CLOCK: variants seen among roughly 807,000 people sequenced by gnomAD.
The protein encoded by CLOCK is clock circadian regulator.
Under a neutral mutation model 118.4 loss-of-function variants are expected in CLOCK, and 43 were observed. The ratio of observed to expected loss-of-function variants is 0.36; its 90% CI spans 0.28 to 0.47. CLOCK has a LOEUF of 0.47. Ranked by LOEUF, CLOCK falls within the 20% of genes least tolerant of loss-of-function variation. CLOCK has a pLI of 1.00. For synonymous variants in CLOCK, 326 were observed against 339.2 expected (o/e 0.96, Z 0.43); for missense variants, 846 against 999.9 (o/e 0.85, Z 2.08).
At position 55,443,851 on chromosome 4, in the gene CLOCK, G is replaced by T. The variant is rs2109693639; in HGVS notation, c.1738C>A (p.Gln580Lys). The stretch of plus-strand genomic sequence containing the variant: ...TTAGATGAATTTCCAGAAGAAAGTT[G>T]AACGGAACCAAAATTCAACCCAGGA... Reference protein sequence around the residue: ...SNPGLNFGSVQLSSGNSSNIQ... With the variant: ...SNPGLNFGSVKLSSGNSSNIQ... Residue 580 changes from glutamine to lysine, a missense_variant, in exon 20 of 23, where the codon CAA becomes AAA. Gln to Lys is a moderately conservative substitution (Grantham distance 53). This residue lies in a region of CLOCK where 520 missense variants were observed against 558.0 expected (regional missense o/e 0.93). Coordinates refer to ENST00000513440, the MANE Select transcript of CLOCK (RefSeq NM_004898.4). 3 of 1,613,532 alleles carry T rather than the reference G, an allele frequency of 1.9e-6. No individual in the cohort carries two copies. Among genetic ancestry groups the T allele is most frequent in the Non-Finnish European group, 1.7e-6 (2 of 1,179,978 alleles).
rs1043896194 is a variant in CLOCK, at chr4:55,438,486, A to G, written c.2157T>C (p.Ala719=). 5 of 1,613,854 alleles carry G rather than the reference A, an allele frequency of 3.1e-6. No homozygotes were observed. Among genetic ancestry groups the G allele is most frequent in the Admixed American group, 1.7e-5 (1 of 60,000 alleles). Reference sequence around the variant, plus strand: ...TACTAGGTACCATGACTGCCCCACAAGCTACAGGAGCAGTCACTAATTTGG... The same window carrying G: ...TACTAGGTACCATGACTGCCCCACAGGCTACAGGAGCAGTCACTAATTTGG... ...LVTKLVTAPV[A]CGAVMVPSTM... The change falls in exon 22 of 23, where the codon GCT becomes GCC. Residue 719 remains alanine (A), a synonymous_variant. Coordinates refer to ENST00000513440, the MANE Select transcript of CLOCK (RefSeq NM_004898.4).
intron 4 of CLOCK, among the ~76,000 whole-genome samples, chr4:55,480,894 A>AAAG (rs1410231553): frequency 6.9e-6 from 1 of 145,876 alleles, no homozygotes; most frequent in African/African-American, 2.5e-5. Context: ...CTGTCTCAAA[A>AAAG]AAAAAAAAGA....
At position 55,455,985 on chromosome 4, in the gene CLOCK, C is replaced by A; in HGVS notation, c.894G>T (p.Gly298=). ...FLDHRAPPII[G]YLPFEVLGTS... ...TTCCCAGAACTTCAAATGGCAAATA[C>A]CCTATTATGGGTGGTGCCCTAAATT... Residue 298 remains glycine, a synonymous_variant, in exon 13 of 23, where the codon GGG becomes GGT. Transcript: ENST00000513440. 6.2e-7 allele frequency: 1 copy of A among 1,612,894 alleles called. No individual in the cohort carries two copies. The highest frequency in any genetic ancestry group is 8.5e-7 in the Non-Finnish European group (1 of 1,179,310).
intron 16 of CLOCK, among the ~76,000 whole-genome samples, chr4:55,449,798 T>C (rs761180066): frequency 2.8e-5 from 4 of 142,298 alleles, no homozygotes; most frequent in Non-Finnish European, 6.2e-5. Flanking sequence ...CTAAGAACAC[T>C]TACTGGCCCT....
intron 20 of CLOCK, among the ~76,000 whole-genome samples, chr4:55,442,843 T>C (rs1723486298): frequency 1.3e-5 from 2 of 152,106 alleles, no homozygotes; most frequent in African/African-American, 2.4e-5. Context: ...AGGCAAGCTA[T>C]GACTTTAGAA....
Position 55,435,389 on chromosome 4 carries a change from T to C in CLOCK, c.*26A>G. 6.2e-7 allele frequency: 1 copy of C among 1,613,364 alleles called. No homozygotes were observed. Among genetic ancestry groups the C allele is most frequent in the Non-Finnish European group, 8.5e-7 (1 of 1,179,508 alleles). On this transcript the variant is annotated 3_prime_UTR_variant, in exon 23 of 23. Transcript: ENST00000513440. Reference sequence around the variant, plus strand: ...TTAATGGGCCATCCCCTTCCTCCCTTGATGTCAAGAGAGGAAGCACGTGTG... The same window carrying C: ...TTAATGGGCCATCCCCTTCCTCCCTCGATGTCAAGAGAGGAAGCACGTGTG...
intron 15 of CLOCK, among the ~76,000 whole-genome samples, chr4:55,450,695 G>A (rs1214002664): frequency 6.6e-6 from 1 of 152,060 alleles, no homozygotes; most frequent in African/African-American, 2.4e-5. Flanking sequence ...CCTGAACTGA[G>A]GAGGCGGAGG....
Position 55,503,988 on chromosome 4 carries a change from A to G in CLOCK, c.-136+5924T>C, listed in dbSNP as rs1245016864. On this transcript the variant is annotated intron_variant, in intron 2 of 22. Coordinates refer to ENST00000513440, the MANE Select transcript of CLOCK (RefSeq NM_004898.4). ...TTTGGCAAAAAGAGGTAAAAAAAAA[A>G]AAAAAAAAAAAAAAAGCCGGGCACA... 4.2e-5 allele frequency among the ~76,000 whole-genome samples: 6 copies of G among 142,762 alleles called. No individual in the cohort carries two copies. The East Asian group carries it at 6.0e-4, about 14-fold the overall frequency. The allele number at this position is 142,762 out of a possible 152,430, so 93.7% of individuals were successfully genotyped here.
At chr4:55,485,171 G>C (rs1228197492) in intron 3 of CLOCK, among the ~76,000 whole-genome samples, 1 of 151,950 alleles carries the variant, frequency 6.6e-6, no homozygotes, top group Non-Finnish European at 1.5e-5. Flanking sequence ...CACCATATTG[G>C]TCAGGCTGGT....
Position 55,430,108 on chromosome 4 carries a change from C to T in CLOCK, c.*5307G>A, listed in dbSNP as rs1722402634. On this transcript the variant is annotated 3_prime_UTR_variant, in exon 23 of 23. Coordinates refer to ENST00000513440, the MANE Select transcript of CLOCK (RefSeq NM_004898.4). ...CATTTAGCCATTTTTATTCAAGAAC[C>T]CCAGAGAACTGCTTTAAAAGCAATT... is the stretch of plus-strand genomic sequence containing the variant. 1 of 152,116 alleles carries T rather than the reference C, an allele frequency of 6.6e-6. No individual in the cohort carries two copies. The highest frequency in any genetic ancestry group is 6.5e-5 in the Admixed American group (1 of 15,268). The allele number at this position is 152,116 out of a possible 1,614,324, so 9.4% of individuals were successfully genotyped here. A position where few individuals can be genotyped will look rare whatever the true frequency, so the allele number is the denominator to read the frequency against.
intron 21 of CLOCK, chr4:55,442,143 T>C (rs1723422715): frequency 5.8e-6 from 2 of 345,184 alleles, no homozygotes; most frequent in African/African-American, 4.2e-5. Context: ...AGCTTCACAG[T>C]GACACAGAGC....
intron 1 of CLOCK, among the ~76,000 whole-genome samples, chr4:55,541,501 C>T (rs1202625261): frequency 6.6e-6 from 1 of 152,154 alleles, no homozygotes; most frequent in African/African-American, 2.4e-5. Context: ...GACTTTTCCC[C>T]CACAATATTG....
rs773546485 is a variant in CLOCK at position 55,438,243 on chromosome 4, T to C, written c.2361+39A>G. On this transcript the variant is annotated intron_variant, in intron 22 of 22. Coordinates refer to ENST00000513440, the MANE Select transcript of CLOCK (RefSeq NM_004898.4). Reference sequence around the variant, plus strand: ...AATGCTTAATTTCATTACATGAAAGTAAATGAGTTTGAAGCAGCTTCCCCA... The same window carrying C: ...AATGCTTAATTTCATTACATGAAAGCAAATGAGTTTGAAGCAGCTTCCCCA... 1.9e-6 allele frequency: 3 copies of C among 1,610,362 alleles called. No homozygotes were observed. The East Asian group carries it at 6.7e-5, about 36-fold the overall frequency.
In CLOCK at chr4:55,482,808, TAGTAG is replaced by T; in HGVS notation, c.-28_-24del. 1 of 1,585,324 alleles carries T rather than the reference TAGTAG, an allele frequency of 6.3e-7. No homozygotes were observed. Among genetic ancestry groups the T allele is most frequent in the East Asian group, 2.3e-5 (1 of 44,430 alleles). On this transcript the variant is annotated 5_prime_UTR_variant, in exon 4 of 23. An upstream open reading frame in the 5' UTR gains an earlier in-frame stop. Transcript: ENST00000513440. ...CATAACATACTACGTTTTCGTCTTG[TAGTAG>T]ACATTTGTACTTCTCCTTAGGTGAA...
chr4:55,534,010 G>A (rs958801901), intron 1 of CLOCK, among the ~76,000 whole-genome samples: 2 of 152,110 alleles, frequency 1.3e-5, no homozygotes, highest in African/African-American at 2.4e-5. Context: ...GTAAACTCTC[G>A]ATGTTTTCCT....
At chr4:55,463,166 T>G (rs1725491511) in intron 9 of CLOCK, among the ~76,000 whole-genome samples, 1 of 152,140 alleles carries the variant, frequency 6.6e-6, no homozygotes, top group Admixed American at 6.6e-5. Flanking sequence ...TTTTCACTAT[T>G]GTTGATATTT....
chr4:55,436,188 T>C (rs941118000), intron 22 of CLOCK, among the ~76,000 whole-genome samples: 3 of 152,186 alleles, frequency 2.0e-5, no homozygotes, highest in Admixed American at 2.0e-4. Flanking sequence ...TAATAAAGAT[T>C]AAATATTAAT....
At chr4:55,455,112 G>A (rs1724823904) in intron 13 of CLOCK, among the ~76,000 whole-genome samples, 1 of 152,076 alleles carries the variant, frequency 6.6e-6, no homozygotes, top group Non-Finnish European at 1.5e-5. Context: ...GTCATGAAAA[G>A]GTCTAAAATA....
chr4:55,441,295 C>CACTT (rs1723349872), intron 21 of CLOCK, among the ~76,000 whole-genome samples: 1 of 152,176 alleles, frequency 6.6e-6, no homozygotes, highest in African/African-American at 2.4e-5. Flanking sequence ...GTGGTGAAAA[C>CACTT]ACTTACACAC....
Sources: gnomAD v4.1 joint callset for allele counts (sites outside exome capture counted in the v4.1 genomes callset) on GRCh38, gnomAD v4.1.1 for gene constraint, gnomAD v4.1.1 regional missense constraint, MANE v1.5 for transcripts, NCBI Gene and HGNC (gene_info 2026-07-23, HGNC 2026-07-21) for gene names.